Variants in SRPRA observed in about 807,000 individuals in gnomAD.
The protein encoded by SRPRA is signal recognition particle receptor subunit alpha.
A neutral mutation model predicts 61.1 loss-of-function variants in SRPRA; 30 were observed. That is an observed-to-expected ratio of 0.49 (90% CI 0.37 to 0.67). SRPRA has a LOEUF of 0.67. Among genes scored for constraint, SRPRA ranks in the 30% least tolerant of loss-of-function variants. The pLI is 0.00. For missense variants in SRPRA, 759 were observed against 828.4 expected (o/e 0.92, Z 1.03); for synonymous variants, 324 against 299.7 (o/e 1.08, Z -0.84).
At chr11:126,250,739 A>C in the SRPRA span, 1 of 1,597,744 alleles carries the variant, frequency 6.3e-7, no homozygotes, top group Admixed American at 1.7e-5. This position sits in a 1 kb window ranked among gnomAD's most constrained non-coding sequence, Gnocchi z 5.1. Flanking sequence ...AAAAGGTAAA[A>C]AGTAAAGCAT....
chr11:126,266,001 A>G lies in SRPRA; in HGVS notation c.1013T>C (p.Met338Thr). The G allele has an allele frequency of 6.2e-7, 1 of 1,614,178 alleles. No homozygotes were observed. Among genetic ancestry groups the G allele is most frequent in the East Asian group, 2.2e-5 (1 of 44,886 alleles). Reference sequence around the variant, plus strand: ...ACGCATCTTGTCCAGCACAGATTCCATGTCTTCACGACTCAAGCTCTTTGA... The same window carrying G: ...ACGCATCTTGTCCAGCACAGATTCCGTGTCTTCACGACTCAAGCTCTTTGA... Reference protein sequence around the residue: ...VGSKSLSREDMESVLDKMRDH... With the variant: ...VGSKSLSREDTESVLDKMRDH... The change falls in exon 8 of 14, where the codon ATG (methionine) becomes ACG (threonine). Residue 338 changes from methionine to threonine, a missense_variant. Met to Thr is a moderately conservative substitution (Grantham distance 81). This residue lies in a region of SRPRA where 475 missense variants were observed against 462.5 expected (regional missense o/e 1.03). Coordinates refer to ENST00000332118, the MANE Select transcript of SRPRA (RefSeq NM_003139.4).
the SRPRA span, among the ~76,000 whole-genome samples, chr11:126,251,562 G>A: frequency 2.0e-5 from 3 of 152,106 alleles, no homozygotes; most frequent in African/African-American, 4.8e-5. Context: ...AGTGTCTTCC[G>A]CCTACGCCCT....
At chr11:126,245,517 T>G in the SRPRA span, among the ~76,000 whole-genome samples, 3 of 151,944 alleles carry the variant, frequency 2.0e-5, no homozygotes, top group Non-Finnish European at 4.4e-5. Flanking sequence ...GGAAGTGCTG[T>G]AATGGTTGTC....
chr11:126,251,979 G>A, the SRPRA span, among the ~76,000 whole-genome samples: 1 of 150,324 alleles, frequency 6.7e-6, no homozygotes, highest in African/African-American at 2.4e-5. Flanking sequence ...TGGCCGTTTT[G>A]TTTTGTTTTG....
chr11:126,258,703 A>C (rs1950620700), downstream of SRPRA, among the ~76,000 whole-genome samples: 1 of 152,194 alleles, frequency 6.6e-6, no homozygotes, highest in South Asian at 2.1e-4. Flanking sequence ...TCTGTTGCAC[A>C]TGTTGTTTTC....
the SRPRA span, among the ~76,000 whole-genome samples, chr11:126,252,799 C>T: frequency 1.3e-5 from 2 of 152,134 alleles, no homozygotes; most frequent in African/African-American, 4.8e-5. This position sits in a 1 kb window ranked among gnomAD's most constrained non-coding sequence, Gnocchi z 4.7. Context: ...TTTTGGGTGG[C>T]CGAGGTGGGT....
chr11:126,242,193 G>GT, the SRPRA span, among the ~76,000 whole-genome samples: 1 of 152,004 alleles, frequency 6.6e-6, no homozygotes, highest in Non-Finnish European at 1.5e-5. Context: ...TCTGGCAGTG[G>GT]TTTTTTAGAC....
At chr11:126,266,349 T>C (rs751079077) in intron 6 of SRPRA, 71 bp from the exon 7 acceptor site, 8 of 1,592,334 alleles carry the variant, frequency 5.0e-6, no homozygotes, top group Non-Finnish European at 5.2e-6. Flanking sequence ...CACATTGCTC[T>C]ATCTCTTTCA....
downstream of SRPRA, among the ~76,000 whole-genome samples, chr11:126,258,482 G>A (rs1950615975): frequency 2.0e-5 from 3 of 152,316 alleles, no homozygotes; most frequent in South Asian, 6.2e-4. Flanking sequence ...ATGGCTTCAA[G>A]TAGAATTCTC....
Position 126,264,330 on chromosome 11 carries a change from T to C in SRPRA, c.1690-41A>G, listed in dbSNP as rs539970480. On this transcript the variant is annotated intron_variant, in intron 12 of 13. Coordinates refer to ENST00000332118, the MANE Select transcript of SRPRA (RefSeq NM_003139.4). This position sits in a 1 kb window ranked among gnomAD's most constrained non-coding sequence, Gnocchi z 5.0. ...GATAGAAGTGTAAGAACCATCTAAA[T>C]TGACCAAAGCTCAAGTTGTAAAGGG... The C allele has an allele frequency of 7.4e-6, 12 of 1,613,538 alleles. No homozygotes were observed. The South Asian group carries it at 7.7e-5, about 10-fold the overall frequency.
At chr11:126,266,709 A>G (rs1565346869) in intron 5 of SRPRA, 54 bp downstream of exon 5, 1 of 1,609,322 alleles carries the variant, frequency 6.2e-7, no homozygotes, top group Non-Finnish European at 8.5e-7. Flanking sequence ...ACTCCCTTGC[A>G]CCCATTGTGT....
chr11:126,241,102 A>G, the SRPRA span: 3 of 1,493,504 alleles, frequency 2.0e-6, no homozygotes, highest in Admixed American at 6.7e-5. Context: ...AACTATCACA[A>G]CTAGCATGAT....
At chr11:126,254,568 C>T in the SRPRA span, 1 of 1,202,256 alleles carries the variant, frequency 8.3e-7, no homozygotes, top group Non-Finnish European at 1.2e-6. Flanking sequence ...AGCAGTGGCT[C>T]ATGCCTATAA....
downstream of SRPRA, chr11:126,260,671 A>C (rs1950671642): frequency 6.6e-6 from 1 of 152,220 alleles, no homozygotes. Context: ...ACATTTCAGT[A>C]ATTTATAAAT....
At chr11:126,237,789 G>A in the SRPRA span, among the ~76,000 whole-genome samples, 173 of 141,350 alleles carry the variant, frequency 1.2e-3, no homozygotes, top group Middle Eastern at 0.02. Context: ...CCTGGGAGGC[G>A]GAGGTTGCAG....
chr11:126,250,042 T>C, the SRPRA span, among the ~76,000 whole-genome samples: 2 of 152,118 alleles, frequency 1.3e-5, no homozygotes, highest in Non-Finnish European at 2.9e-5. This position sits in a 1 kb window ranked among gnomAD's most constrained non-coding sequence, Gnocchi z 5.1. Flanking sequence ...ATGTATCATC[T>C]CATCTTCCTT....
Position 126,263,476 on chromosome 11 carries a change from G to A in SRPRA, c.*440C>T. 1 of 159,124 alleles carries A rather than the reference G, an allele frequency of 6.3e-6. No individual in the cohort carries two copies. The highest frequency in any genetic ancestry group is 1.8e-4 in the South Asian group (1 of 5,488). The allele number at this position is 159,124 out of a possible 1,614,324, so 9.9% of individuals were successfully genotyped here. A position where few individuals can be genotyped will look rare whatever the true frequency, so the allele number is the denominator to read the frequency against. ...TCCAGGTCCTGGGGACCTGCAGGCT[G>A]TGTATCCTAGGGAGAGGTGCCATTC... On this transcript the variant is annotated 3_prime_UTR_variant, in exon 14 of 14. Transcript: ENST00000332118.
In SRPRA at chr11:126,264,609, A is replaced by G. The variant is rs985471674; in HGVS notation, c.1526-70T>C. On this transcript the variant is annotated intron_variant, in intron 11 of 13. Coordinates refer to ENST00000332118, the MANE Select transcript of SRPRA (RefSeq NM_003139.4). The surrounding 1 kb of genome is among the most constrained non-coding windows in gnomAD (Gnocchi z 5.0). ...CATGCTCGTTCCCAGCTTCCTCTCA[A>G]AAAGTCCTAGTTTGACTACCTGTTC... is the stretch of plus-strand genomic sequence containing the variant. The G allele has an allele frequency of 3.8e-6, 6 of 1,566,540 alleles. No homozygotes were observed. In the South Asian group the frequency reaches 4.6e-5, roughly 12 times the overall value.
chr11:126,265,332 T>G lies in SRPRA; in HGVS notation c.1247A>C (p.Gln416Pro). 1 of 1,613,788 alleles carries G rather than the reference T, an allele frequency of 6.2e-7. No homozygotes were observed. Among genetic ancestry groups the G allele is most frequent in the Non-Finnish European group, 8.5e-7 (1 of 1,179,954 alleles). The change falls in exon 10 of 14, where the codon CAG becomes CCG. Residue 416 changes from glutamine (Q) to proline (P), a missense_variant. This residue lies in a region of SRPRA where 284 missense variants were observed against 365.9 expected (regional missense o/e 0.78). Transcript: ENST00000332118. The surrounding 1 kb of genome is among the most constrained non-coding windows in gnomAD (Gnocchi z 6.3). ...GCAGAAGGTGACGACATAAGGGCGC[T>G]GGCGACGCTGGGCATCCATGATGTC... ...LRDIMDAQRR[Q>P]RPYVVTFCGV...
Sources: allele counts gnomAD v4.1 joint callset (sites outside exome capture counted in the v4.1 genomes callset), GRCh38; gene constraint gnomAD v4.1.1; regional missense constraint gnomAD v4.1.1; non-coding constraint Gnocchi (gnomAD v3.1); transcripts MANE v1.5; gene names NCBI Gene and HGNC (gene_info 2026-07-23, HGNC 2026-07-21).